Variants in MALRD1 observed in about 807,000 individuals in gnomAD.
MALRD1 encodes the protein MAM and LDL-receptor class A domain-containing protein 1.
MALRD1 carries 247 observed loss-of-function variants against 242.1 expected under a neutral mutation model. That is an observed-to-expected ratio of 1.02 (90% CI 0.92 to 1.13). The LOEUF (loss-of-function observed/expected upper bound fraction) is 1.13. Ranked by LOEUF, MALRD1 falls within the 50% of genes most tolerant of loss-of-function variation. MALRD1 has a pLI of 0.00. For synonymous variants in MALRD1, 995 were observed against 866.6 expected (o/e 1.15, Z -2.60); for missense variants, 2,989 against 2,533.1 (o/e 1.18, Z -3.86).
In MALRD1 at chr10:19,232,601, C is replaced by T. The variant is rs553193825; in HGVS notation, c.2991+22921C>T. On this transcript the variant is annotated intron_variant, in intron 18 of 39. Coordinates refer to ENST00000454679, the MANE Select transcript of MALRD1 (RefSeq NM_001142308.3). The stretch of plus-strand genomic sequence containing the variant: ...GTGCAGGGTGAAGTGAGATTGTTAT[C>T]TAGGAAATAGCTGAAATGTCTTGTT... Among the ~76,000 whole-genome samples the T allele has an allele frequency of 2.4e-4, 37 of 152,142 alleles. 1 individual carries two copies. In the South Asian group the frequency reaches 7.7e-3, roughly 32 times the overall value.
chr10:19,351,874 A>G, intron 25 of MALRD1, 132 bp from the exon 26 acceptor site: 1 of 849,592 alleles, frequency 1.2e-6, no homozygotes, highest in Non-Finnish European at 1.8e-6. Flanking sequence ...AGACAGAGCA[A>G]GAGAATAAAC....
chr10:19,484,733 A>G (rs61843301), intron 29 of MALRD1, among the ~76,000 whole-genome samples: 18,021 of 152,264 alleles, frequency 0.12, 1,132 homozygotes, highest in African/African-American at 0.15. Context: ...GGAAATGTAA[A>G]CTAATACAAC....
chr10:19,363,659 G>A (rs1844992026), intron 26 of MALRD1, among the ~76,000 whole-genome samples: 4 of 152,108 alleles, frequency 2.6e-5, no homozygotes, highest in South Asian at 2.1e-4. Flanking sequence ...ATTGAGAGAA[G>A]GCAATAAATA....
chr10:19,084,509 C>T (rs1353135598), intron 2 of MALRD1, among the ~76,000 whole-genome samples: 1 of 151,842 alleles, frequency 6.6e-6, no homozygotes. Context: ...TACTCTGTAG[C>T]ATGCAACAGG....
chr10:19,272,368 A>G (rs1483846599), intron 19 of MALRD1, among the ~76,000 whole-genome samples: 1 of 152,146 alleles, frequency 6.6e-6, no homozygotes, highest in East Asian at 1.9e-4. Context: ...ATTAGAGTGG[A>G]GTTTGTGGAA....
intron 24 of MALRD1, among the ~76,000 whole-genome samples, chr10:19,334,428 G>A (rs1843518701): frequency 1.3e-5 from 2 of 150,840 alleles, no homozygotes; most frequent in Admixed American, 1.3e-4. Context: ...AAAACTTAAT[G>A]TTTTTACCAC....
intron 19 of MALRD1, among the ~76,000 whole-genome samples, chr10:19,260,918 A>T (rs549953494): frequency 6.6e-6 from 1 of 152,282 alleles, no homozygotes; most frequent in South Asian, 2.1e-4. Context: ...TCTCCAGTTT[A>T]CAGATATGAA....
chr10:19,185,544 G>C (rs1835699980), intron 14 of MALRD1, among the ~76,000 whole-genome samples: 2 of 151,976 alleles, frequency 1.3e-5, no homozygotes, highest in Admixed American at 6.6e-5. Flanking sequence ...CTTAGATGCT[G>C]GTTATATATT....
chr10:19,474,016 T>C (rs948283763), intron 29 of MALRD1, among the ~76,000 whole-genome samples: 7 of 152,276 alleles, frequency 4.6e-5, no homozygotes, highest in Middle Eastern at 3.4e-3. Context: ...TTTTTCGTAG[T>C]AGTCATTCCC....
chr10:19,080,612 T>A (rs1005330884), intron 2 of MALRD1, among the ~76,000 whole-genome samples: 1 of 151,940 alleles, frequency 6.6e-6, no homozygotes, highest in Admixed American at 6.6e-5. Context: ...TATACAAAAA[T>A]TAATTCAAGA....
At chr10:19,070,056 G>C (rs981850712) in intron 2 of MALRD1, among the ~76,000 whole-genome samples, 1 of 151,840 alleles carries the variant, frequency 6.6e-6, no homozygotes, top group African/African-American at 2.4e-5. Context: ...TTGTTTTCTG[G>C]TTTTCAGCGT....
In MALRD1 at chr10:19,282,492, C is replaced by T. The variant is rs148430226; in HGVS notation, c.3257-527C>T. ...AGAGAGAATTCAGATAACAGTTTTA[C>T]ACATAACCTGTACATTTTAAAAAAT... On this transcript the variant is annotated intron_variant, in intron 20 of 39. Coordinates refer to ENST00000454679, the MANE Select transcript of MALRD1 (RefSeq NM_001142308.3). Among the ~76,000 whole-genome samples, 389 of 152,250 alleles carry T rather than the reference C, an allele frequency of 2.6e-3. 2 individuals are homozygous for T. Among genetic ancestry groups the T allele is most frequent in the African/African-American group, 8.8e-3 (364 of 41,550 alleles).
At chr10:19,098,902 A>G (rs1179639373) in intron 4 of MALRD1, among the ~76,000 whole-genome samples, 1 of 152,162 alleles carries the variant, frequency 6.6e-6, no homozygotes, top group Non-Finnish European at 1.5e-5. Flanking sequence ...TCTGATTTAC[A>G]TAGGGCACTA....
At chr10:19,434,512 T>C (rs1366246518) in intron 28 of MALRD1, among the ~76,000 whole-genome samples, 1 of 152,004 alleles carries the variant, frequency 6.6e-6, no homozygotes, top group African/African-American at 2.4e-5. Context: ...GTTTGCAGTT[T>C]AAAGAATATA....
intron 33 of MALRD1, among the ~76,000 whole-genome samples, chr10:19,571,265 A>G (rs988532503): frequency 2.6e-5 from 4 of 152,164 alleles, no homozygotes; most frequent in African/African-American, 9.7e-5. Context: ...TATCCTGTGT[A>G]AGAAAGAGTA....
At chr10:19,548,186 A>G (rs1835326833) in intron 32 of MALRD1, among the ~76,000 whole-genome samples, 1 of 151,268 alleles carries the variant, frequency 6.6e-6, no homozygotes, top group African/African-American at 2.4e-5. Context: ...TTTACTAAAG[A>G]TGGGGTTTCA....
intron 31 of MALRD1, among the ~76,000 whole-genome samples, chr10:19,523,556 C>G (rs1487261214): frequency 6.6e-6 from 1 of 152,116 alleles, no homozygotes; most frequent in Non-Finnish European, 1.5e-5. Flanking sequence ...TAAGTTAATT[C>G]ATGTTTCCAA....
chr10:19,200,660 T>TTTTTTGTTGTTTTTG (rs1564462024), intron 14 of MALRD1, among the ~76,000 whole-genome samples: 4 of 147,106 alleles, frequency 2.7e-5, no homozygotes, highest in African/African-American at 1.0e-4. Context: ...TTTTTTTTTT[T>TTTTTTGTTGTTTTTG]TTTTTTTTTT....
chr10:19,674,995 AGCCATAACATCAT>A (rs1842078185), intron 36 of MALRD1, among the ~76,000 whole-genome samples: 1 of 152,102 alleles, frequency 6.6e-6, no homozygotes, highest in Admixed American at 6.6e-5. Flanking sequence ...GTATCATCTC[AGCCATAACATCAT>A]GCCATCAACC....
Sources: allele counts gnomAD v4.1 joint callset (sites outside exome capture counted in the v4.1 genomes callset), GRCh38; gene constraint gnomAD v4.1.1; transcripts MANE v1.5; gene names NCBI Gene and HGNC (gene_info 2026-07-23, HGNC 2026-07-21).